The following GATAD2B variants were observed in gnomAD, a reference collection of about 807,000 sequenced individuals.
GATAD2B encodes GATA zinc finger domain containing 2B.
Under a neutral mutation model 64.3 loss-of-function variants are expected in GATAD2B, and 8 were observed. The ratio of observed to expected loss-of-function variants is 0.12; its 90% CI spans 0.07 to 0.22. The LOEUF (loss-of-function observed/expected upper bound fraction) is 0.22. Ranked by LOEUF, GATAD2B falls within the 10% of genes least tolerant of loss-of-function variation. The pLI, the probability that GATAD2B is intolerant of heterozygous loss-of-function variation, is 1.00. For missense variants in GATAD2B, 453 were observed against 752.0 expected, an observed-to-expected ratio of 0.60 and a Z score of 4.65; for synonymous variants, 281 against 271.3, an observed-to-expected ratio of 1.04 and a Z score of -0.35.
chr1:153,862,088 GT>G (rs201136612), intron 1 of GATAD2B, among the ~76,000 whole-genome samples: 1 of 129,598 alleles, frequency 7.7e-6, no homozygotes, highest in East Asian at 2.3e-4. Context: ...TAGTTTTTCA[GT>G]TTACAACGTA....
At chr1:153,815,280 C>CAAAACAAAAA (rs1674428829) in intron 7 of GATAD2B, among the ~76,000 whole-genome samples, 18 of 66,606 alleles carry the variant, frequency 2.7e-4, no homozygotes, top group Non-Finnish European at 4.0e-4. Flanking sequence ...CTCAAAAAAA[C>CAAAACAAAAA]AAAAAAAAAA....
Position 153,809,196 on chromosome 1 carries a change from G to A in GATAD2B, c.*981C>T, listed in dbSNP as rs1674205834. On this transcript the variant is annotated 3_prime_UTR_variant, in exon 11 of 11. Transcript: ENST00000368655. ...TATAGATGGGGCTATGGTTAGAGGGGATAGATTAGAATTTTTAAAAGCAGG... is the reference window on the plus strand; with the variant it reads ...TATAGATGGGGCTATGGTTAGAGGGAATAGATTAGAATTTTTAAAAGCAGG... 6.6e-6 allele frequency: 1 copy of A among 152,170 alleles called. No individual in the cohort carries two copies. The highest frequency in any genetic ancestry group is 2.1e-4 in the South Asian group (1 of 4,830). The allele number at this position is 152,170 out of a possible 1,614,324, so 9.4% of individuals were successfully genotyped here.
chr1:153,833,581 G>A (rs1052930411), intron 1 of GATAD2B, among the ~76,000 whole-genome samples: 7 of 152,070 alleles, frequency 4.6e-5, no homozygotes, highest in Admixed American at 6.6e-5. Flanking sequence ...TTGGGAAGCC[G>A]AGGCAGGTGG....
chr1:153,838,358 C>T (rs910252532), intron 1 of GATAD2B, among the ~76,000 whole-genome samples: 1 of 152,128 alleles, frequency 6.6e-6, no homozygotes, highest in Non-Finnish European at 1.5e-5. Context: ...GAAAGATGTG[C>T]ATATAACAAA....
At chr1:153,882,007 A>G (rs919777795) in intron 1 of GATAD2B, among the ~76,000 whole-genome samples, 11 of 152,214 alleles carry the variant, frequency 7.2e-5, no homozygotes, top group Admixed American at 7.2e-4. Context: ...AAACAGGGGG[A>G]TGCTTACTTT....
rs138195052 is a variant in GATAD2B at position 153,899,414 on chromosome 1, C to T, written c.-2+23319G>A. ...TGAAACCCCATTTCTACTAAAAATA[C>T]AAAATAGCCACGCGTGGTTGCACAT... is the stretch of plus-strand genomic sequence containing the variant. On this transcript the variant is annotated intron_variant, in intron 1 of 10. Coordinates refer to ENST00000368655, the MANE Select transcript of GATAD2B (RefSeq NM_020699.4). 4.6e-5 allele frequency among the ~76,000 whole-genome samples: 7 copies of T among 152,148 alleles called. 1 individual carries two copies. In the East Asian group the frequency reaches 1.4e-3, roughly 29 times the overall value.
At chr1:153,901,784 A>G (rs952568879) in intron 1 of GATAD2B, among the ~76,000 whole-genome samples, 2 of 151,598 alleles carry the variant, frequency 1.3e-5, no homozygotes, top group African/African-American at 4.8e-5. Context: ...CGATCGTGCC[A>G]CTGCACTCCA....
chr1:153,842,536 A>G (rs1675533184), intron 1 of GATAD2B, among the ~76,000 whole-genome samples: 1 of 123,080 alleles, frequency 8.1e-6, no homozygotes, highest in Admixed American at 7.6e-5. Flanking sequence ...ATATACATGT[A>G]ATCATTAATA....
chr1:153,811,662 G>T, intron 10 of GATAD2B, 69 bp downstream of exon 10: 2 of 886,904 alleles, frequency 2.3e-6, no homozygotes, highest in Non-Finnish European at 3.8e-6. Context: ...CCTTAAAGGG[G>T]CTGCTACAGA....
intron 1 of GATAD2B, among the ~76,000 whole-genome samples, chr1:153,884,184 T>A (rs1677094698): frequency 6.6e-6 from 1 of 152,238 alleles, no homozygotes; most frequent in South Asian, 2.1e-4. Flanking sequence ...CTCATGCCTA[T>A]AATCCCAGCA....
chr1:153,880,183 C>T (rs1254694196), intron 1 of GATAD2B, among the ~76,000 whole-genome samples: 10 of 152,068 alleles, frequency 6.6e-5, no homozygotes. Flanking sequence ...AAACAGTCGG[C>T]CAAGCGCAGT....
At chr1:153,887,703 T>G (rs1677227738) in intron 1 of GATAD2B, among the ~76,000 whole-genome samples, 1 of 152,144 alleles carries the variant, frequency 6.6e-6, no homozygotes, top group Admixed American at 6.6e-5. Context: ...TATTCCTTAA[T>G]GTGTTAACTC....
intron 4 of GATAD2B, 130 bp from the exon 5 acceptor site, chr1:153,818,301 G>A: frequency 1.4e-6 from 1 of 700,566 alleles, no homozygotes; most frequent in East Asian, 3.2e-5. Flanking sequence ...CAGAAAAAGG[G>A]AGTCAAGGTT....
chr1:153,905,426 A>G lies in GATAD2B; in HGVS notation c.-2+17307T>C, dbSNP rs536607190. On this transcript the variant is annotated intron_variant, in intron 1 of 10. Transcript: ENST00000368655. ...ATTCAAGGGCCTAGGTGAAATAAAA[A>G]CTATCTATAACTGAGCAGAATCCCA... 2.0e-5 allele frequency among the ~76,000 whole-genome samples: 3 copies of G among 151,944 alleles called. No individual in the cohort carries two copies. In the South Asian group the frequency reaches 6.2e-4, roughly 32 times the overall value.
chr1:153,871,561 G>A (rs754806614), intron 1 of GATAD2B, among the ~76,000 whole-genome samples: 1 of 151,518 alleles, frequency 6.6e-6, no homozygotes, highest in Non-Finnish European at 1.5e-5. Context: ...TATTTTCCTT[G>A]ATATTACTGA....
At chr1:153,834,706 A>G (rs1368238161) in intron 1 of GATAD2B, among the ~76,000 whole-genome samples, 6 of 152,196 alleles carry the variant, frequency 3.9e-5, no homozygotes, top group Admixed American at 3.9e-4. Context: ...TATCAACACT[A>G]ACAGGAATTT....
chr1:153,880,669 C>T (rs1014197764), intron 1 of GATAD2B, among the ~76,000 whole-genome samples: 1 of 151,642 alleles, frequency 6.6e-6, no homozygotes, highest in Non-Finnish European at 1.5e-5. Flanking sequence ...CACAGGAAGA[C>T]CAAATTTCAA....
rs1258810128 is a variant in GATAD2B at position 153,805,541 on chromosome 1, T to C, written c.*4636A>G. The C allele has an allele frequency of 2.6e-5, 4 of 152,158 alleles. No individual in the cohort carries two copies. Among genetic ancestry groups the C allele is most frequent in the African/African-American group, 9.7e-5 (4 of 41,430 alleles). The allele number at this position is 152,158 out of a possible 1,614,324, so 9.4% of individuals were successfully genotyped here. A position where few individuals can be genotyped will look rare whatever the true frequency, so the allele number is the denominator to read the frequency against. ...TCTGCTGCCTCTCCCAAATCAAGGG[T>C]AACCATAGAGGACTGGCAGTTCTCC... On this transcript the variant is annotated 3_prime_UTR_variant, in exon 11 of 11. Coordinates refer to ENST00000368655, the MANE Select transcript of GATAD2B (RefSeq NM_020699.4).
At chr1:153,840,343 T>C (rs1209519386) in intron 1 of GATAD2B, among the ~76,000 whole-genome samples, 2 of 99,634 alleles carry the variant, frequency 2.0e-5, no homozygotes, top group South Asian at 3.0e-4. Context: ...CTGAAAATAC[T>C]TATTTTTTTT....
Sources: allele counts gnomAD v4.1 joint callset (sites outside exome capture counted in the v4.1 genomes callset), GRCh38; gene constraint gnomAD v4.1.1; transcripts MANE v1.5; gene names NCBI Gene and HGNC (gene_info 2026-07-23, HGNC 2026-07-21).